KIAA1217: variants seen among roughly 807,000 people sequenced by gnomAD.
KIAA1217 encodes KIAA1217, also known as sickle tail protein homolog.
In KIAA1217, 88 loss-of-function variants were observed where a neutral mutation model predicts 163.9. The ratio of observed to expected loss-of-function variants is 0.54; its 90% CI spans 0.45 to 0.64. The LOEUF is 0.64. Ranked by LOEUF, KIAA1217 falls within the 30% of genes least tolerant of loss-of-function variation. The pLI, the probability that KIAA1217 is intolerant of heterozygous loss-of-function variation, is 0.00. For synonymous variants in KIAA1217, 903 were observed against 923.1 expected (o/e 0.98, Z 0.39); for missense variants, 2,372 against 2,475.0 (o/e 0.96, Z 0.88).
chr10:24,468,146 G>A (rs1215570902), intron 5 of KIAA1217, among the ~76,000 whole-genome samples: 2 of 152,080 alleles, frequency 1.3e-5, no homozygotes, highest in Non-Finnish European at 2.9e-5. Flanking sequence ...TATTGCAAGT[G>A]TGACCTTGGA....
At chr10:24,392,157 A>G (rs1381212528) in intron 3 of KIAA1217, among the ~76,000 whole-genome samples, 2 of 152,200 alleles carry the variant, frequency 1.3e-5, no homozygotes, top group Non-Finnish European at 2.9e-5. Context: ...ATTGCAGTTA[A>G]TATTAGAATA....
In KIAA1217 at chr10:24,211,361, C is replaced by CTCTTTTT. The variant is rs1375635189; in HGVS notation, c.70+2099_70+2100insCTTTTTT. 6.6e-5 allele frequency among the ~76,000 whole-genome samples: 4 copies of CTCTTTTT among 60,208 alleles called. 1 individual carries two copies. The highest frequency in any genetic ancestry group is 3.4e-4 in the Admixed American group (2 of 5,880). The allele number at this position is 60,208 out of a possible 152,430, so 39.5% of individuals were successfully genotyped here. On this transcript the variant is annotated intron_variant, in intron 1 of 20. Transcript: ENST00000376454. ...GGGAATCTCCTGGCAGGTGGGACTA[C>CTCTTTTT]TTTTTTTTTTTTTTTTTTTTTTTTT...
intron 2 of KIAA1217, among the ~76,000 whole-genome samples, chr10:24,366,934 T>G (rs948153480): frequency 2.6e-5 from 4 of 152,210 alleles, no homozygotes; most frequent in Non-Finnish European, 5.9e-5. Flanking sequence ...GGCTTCAACA[T>G]GTCTTTCTAA....
chr10:23,704,164 GTGTGTGTGTATATA>G (rs1332194929), intron 1 of KIAA1217, among the ~76,000 whole-genome samples: 14 of 80,590 alleles, frequency 1.7e-4, no homozygotes, highest in African/African-American at 8.3e-4. Context: ...GTGTGTGTGT[GTGTGTGTGTATATA>G]TATATATATA....
rs115436160 is a variant in KIAA1217 at position 24,383,273 on chromosome 10, C to T, written c.553+2206C>T. Among the ~76,000 whole-genome samples the T allele has an allele frequency of 3.0e-3, 452 of 152,274 alleles. 1 individual carries two copies. The highest frequency in any genetic ancestry group is 0.01 in the African/African-American group (421 of 41,576). On this transcript the variant is annotated intron_variant, in intron 3 of 20. Coordinates refer to ENST00000376454, the MANE Select transcript of KIAA1217 (RefSeq NM_019590.5). ...ATAACCTCAGCTCTGCAAACCAAAA[C>T]GAAGATAAGAATAAATGCCTGTCCG...
At chr10:24,388,651 A>G (rs1469275325) in intron 3 of KIAA1217, among the ~76,000 whole-genome samples, 1 of 152,142 alleles carries the variant, frequency 6.6e-6, no homozygotes, top group Non-Finnish European at 1.5e-5. Flanking sequence ...AATTTTTACA[A>G]TCTACCCACC....
chr10:24,338,965 T>C (rs912459745), intron 2 of KIAA1217, among the ~76,000 whole-genome samples: 3 of 152,222 alleles, frequency 2.0e-5, no homozygotes, highest in Non-Finnish European at 4.4e-5. Flanking sequence ...TCAAAGTGAC[T>C]TACATTGAAA....
intron 2 of KIAA1217, among the ~76,000 whole-genome samples, chr10:24,048,418 C>A (rs1477945659): frequency 6.6e-6 from 1 of 152,210 alleles, no homozygotes; most frequent in Admixed American, 6.5e-5. Context: ...TTTTCCATTT[C>A]TTGACTAATC....
chr10:24,345,784 C>T (rs1333908931), intron 2 of KIAA1217, among the ~76,000 whole-genome samples: 4 of 148,950 alleles, frequency 2.7e-5, no homozygotes, highest in Non-Finnish European at 4.5e-5. Flanking sequence ...ATTTGACTAT[C>T]GGCAACTTTA....
chr10:23,828,781 T>G (rs1838029347), intron 1 of KIAA1217, among the ~76,000 whole-genome samples: 1 of 152,186 alleles, frequency 6.6e-6, no homozygotes, highest in Admixed American at 6.6e-5. Flanking sequence ...GATTTCAACC[T>G]AGGTGCATGT....
At chr10:23,724,103 G>A (rs1055942220) in intron 1 of KIAA1217, among the ~76,000 whole-genome samples, 1 of 152,088 alleles carries the variant, frequency 6.6e-6, no homozygotes, top group Non-Finnish European at 1.5e-5. Context: ...TCATGAGAAC[G>A]GCACCAAGGG....
intron 5 of KIAA1217, among the ~76,000 whole-genome samples, chr10:24,451,845 T>A (rs1438082679): frequency 6.6e-6 from 1 of 152,212 alleles, no homozygotes; most frequent in African/African-American, 2.4e-5. Context: ...TCAAGTTGCA[T>A]CCCTTGTACC....
At chr10:24,064,310 C>T (rs2060851378) in intron 2 of KIAA1217, among the ~76,000 whole-genome samples, 1 of 152,144 alleles carries the variant, frequency 6.6e-6, no homozygotes. Context: ...TTTTGAGATA[C>T]ATCCCATCAA....
At chr10:23,720,577 G>A (rs1588660593) in intron 1 of KIAA1217, among the ~76,000 whole-genome samples, 1 of 152,176 alleles carries the variant, frequency 6.6e-6, no homozygotes, top group East Asian at 1.9e-4. Flanking sequence ...GGGACTGGGA[G>A]GTACAGCCTT....
intron 9 of KIAA1217, among the ~76,000 whole-genome samples, chr10:24,512,667 T>C (rs967296755): frequency 6.6e-6 from 1 of 152,250 alleles, no homozygotes; most frequent in Admixed American, 6.5e-5. Flanking sequence ...TGTGATTTCA[T>C]GGTACTTGGT....
In KIAA1217 at chr10:23,853,497, T is replaced by C. The variant is rs530398607; in HGVS notation, c.-320-153728T>C. On this transcript the variant is annotated intron_variant, in intron 1 of 18. Coordinates refer to the KIAA1217 transcript ENST00000376462. ...TCTCTTTTTTGGTTGTGTCTCTGCC[T>C]GGCTTTGGTATCAGGATGATGCTGG... is the stretch of plus-strand genomic sequence containing the variant. Among the ~76,000 whole-genome samples, 34 of 152,264 alleles carry C rather than the reference T, an allele frequency of 2.2e-4. No individual in the cohort carries two copies. The East Asian group carries it at 5.0e-3, about 23-fold the overall frequency.
rs1164515483 is a variant in KIAA1217 at position 24,513,333 on chromosome 10, AATG to A, written c.2078_2080del (p.Met693del). 1 of 1,614,214 alleles carries A rather than the reference AATG, an allele frequency of 6.2e-7. No homozygotes were observed. Among genetic ancestry groups the A allele is most frequent in the African/African-American group, 1.3e-5 (1 of 75,058 alleles). ...AAATCAGTGGCAAAGTGATGGAAAC[AATG>A]AAGAGACTGGAGGATCCCGTGCAGC... On this transcript the variant is annotated inframe_deletion, in exon 10 of 21. Transcript: ENST00000376454.
chr10:23,800,305 A>C (rs1302453037), intron 1 of KIAA1217, among the ~76,000 whole-genome samples: 1 of 152,220 alleles, frequency 6.6e-6, no homozygotes, highest in Non-Finnish European at 1.5e-5. Flanking sequence ...ATAAGATTAA[A>C]TAAACAACCG....
intron 1 of KIAA1217, among the ~76,000 whole-genome samples, chr10:23,918,586 A>G (rs1295842543): frequency 1.6e-4 from 25 of 152,146 alleles, no homozygotes; most frequent in Non-Finnish European, 7.4e-5. Flanking sequence ...TTGCGCTGTC[A>G]TAGACCTGCT....
Sources: gnomAD v4.1 joint callset for allele counts (sites outside exome capture counted in the v4.1 genomes callset) on GRCh38, gnomAD v4.1.1 for gene constraint, MANE v1.5 for transcripts, NCBI Gene and HGNC (gene_info 2026-07-23, HGNC 2026-07-21) for gene names.